Variants in LRRC1 observed in about 807,000 individuals in gnomAD.
LRRC1 encodes the protein leucine rich repeat containing 1, also known as leucine-rich repeat-containing protein 1.
Under a neutral mutation model 69.9 loss-of-function variants are expected in LRRC1, and 28 were observed. That is an observed-to-expected ratio of 0.40 (90% CI 0.30 to 0.55). The LOEUF is 0.55. Among genes scored for constraint, LRRC1 ranks in the 20% least tolerant of loss-of-function variants. LRRC1 has a pLI of 0.47. For synonymous variants in LRRC1, 236 were observed against 240.2 expected, an observed-to-expected ratio of 0.98 and a Z score of 0.16; for missense variants, 498 against 609.0, an observed-to-expected ratio of 0.82 and a Z score of 1.92.
Position 53,795,207 on chromosome 6 carries a change from G to C in LRRC1, c.-50G>C. On this transcript the variant is annotated 5_prime_UTR_variant, in exon 1 of 14. Coordinates refer to ENST00000370888, the MANE Select transcript of LRRC1 (RefSeq NM_018214.5). Reference sequence around the variant, plus strand: ...AGCCGCCGGCCAGAGCGGGCTCGGAGCCCGGGTCTCCGCCGCTCGGGACCC... The same window carrying C: ...AGCCGCCGGCCAGAGCGGGCTCGGACCCCGGGTCTCCGCCGCTCGGGACCC... 2.6e-6 allele frequency: 4 copies of C among 1,526,688 alleles called. No individual in the cohort carries two copies. Among genetic ancestry groups the C allele is most frequent in the South Asian group, 1.2e-5 (1 of 81,192 alleles). The allele number at this position is 1,526,688 out of a possible 1,614,324, so 94.6% of individuals were successfully genotyped here.
intron 1 of LRRC1, among the ~76,000 whole-genome samples, chr6:53,817,922 T>C (rs1407995569): frequency 6.6e-6 from 1 of 152,248 alleles, no homozygotes; most frequent in Non-Finnish European, 1.5e-5. Flanking sequence ...AAGCCAGTGC[T>C]ATGTGCGCTG....
intron 2 of LRRC1, among the ~76,000 whole-genome samples, chr6:53,866,925 G>A (rs929553711): frequency 2.6e-5 from 4 of 151,938 alleles, no homozygotes; most frequent in Middle Eastern, 3.2e-3. Flanking sequence ...TTCCTCTCTG[G>A]TTCCCTTAGA....
intron 10 of LRRC1, among the ~76,000 whole-genome samples, chr6:53,910,017 C>A (rs144417442): frequency 1.3e-5 from 2 of 152,222 alleles, no homozygotes; most frequent in East Asian, 1.9e-4. Flanking sequence ...GGTGAGCTAA[C>A]CTGCAGGCAA....
chr6:53,820,034 C>T (rs1765073635), intron 1 of LRRC1, among the ~76,000 whole-genome samples: 1 of 152,158 alleles, frequency 6.6e-6, no homozygotes, highest in African/African-American at 2.4e-5. Context: ...TGATTCTGTA[C>T]AGAATGTTAG....
intron 4 of LRRC1, among the ~76,000 whole-genome samples, chr6:53,883,587 A>G (rs900852670): frequency 1.3e-5 from 2 of 152,218 alleles, no homozygotes; most frequent in Non-Finnish European, 2.9e-5. Context: ...TGGTGAATAA[A>G]TGTTCTGTTA....
At chr6:53,879,153 C>A in intron 3 of LRRC1, 82 bp downstream of exon 3, 2 of 925,472 alleles carry the variant, frequency 2.2e-6, no homozygotes, top group Non-Finnish European at 1.7e-6. Context: ...GTCAGGTTAA[C>A]CATCTTGGAG....
chr6:53,862,481 G>A (rs2127423781), intron 2 of LRRC1, among the ~76,000 whole-genome samples: 1 of 152,200 alleles, frequency 6.6e-6, no homozygotes, highest in South Asian at 2.1e-4. Context: ...TGTACCCCAG[G>A]ACATGTTTGT....
chr6:53,894,784 C>T (rs1200856718), intron 4 of LRRC1, among the ~76,000 whole-genome samples: 1 of 152,098 alleles, frequency 6.6e-6, no homozygotes, highest in Non-Finnish European at 1.5e-5. Context: ...ACATCTCATC[C>T]TCCTCCCCTT....
intron 4 of LRRC1, among the ~76,000 whole-genome samples, chr6:53,883,251 A>G (rs1311178006): frequency 1.3e-5 from 2 of 152,212 alleles, no homozygotes; most frequent in East Asian, 3.8e-4. Context: ...ATGGCAAAGT[A>G]GTTAATTTAA....
chr6:53,795,484 C>A (rs938419994), intron 1 of LRRC1, 69 bp downstream of exon 1: 3 of 1,467,648 alleles, frequency 2.0e-6, no homozygotes, highest in Non-Finnish European at 2.7e-6. Flanking sequence ...CATCCTCTCT[C>A]GTCCCCTCTT....
chr6:53,900,667 A>G (rs1347829279), intron 8 of LRRC1, among the ~76,000 whole-genome samples: 1 of 152,184 alleles, frequency 6.6e-6, no homozygotes, highest in African/African-American at 2.4e-5. Context: ...TTTTTAGTAC[A>G]TCGATCATCC....
chr6:53,835,520 G>A (rs896811484), intron 1 of LRRC1, among the ~76,000 whole-genome samples: 7 of 152,062 alleles, frequency 4.6e-5, no homozygotes, highest in Admixed American at 6.6e-5. Context: ...TCTCATTCAC[G>A]CTTATTTAAC....
At position 53,919,491 on chromosome 6, in the gene LRRC1, A is replaced by AAC. The variant is rs1562075804; in HGVS notation, c.1107-6_1107-5insCA. ...GTCTCTTTTTTTAAAAAAAAAAAAA[A>AAC]AAACAGGTTGCTGCATCTACCTTTA... On this transcript the variant is annotated splice_region_variant and splice_polypyrimidine_tract_variant and intron_variant, in intron 11 of 13. Transcript: ENST00000370888. 1 of 1,519,640 alleles carries AAC rather than the reference A, an allele frequency of 6.6e-7. No homozygotes were observed. Among genetic ancestry groups the AAC allele is most frequent in the Non-Finnish European group, 8.8e-7 (1 of 1,140,820 alleles). 94.1% of individuals were successfully genotyped at this position (1,519,640 alleles called of 1,614,324 possible). A position where few individuals can be genotyped will look rare whatever the true frequency, so the allele number is the denominator to read the frequency against.
intron 1 of LRRC1, among the ~76,000 whole-genome samples, chr6:53,826,379 A>G (rs1356802615): frequency 6.6e-6 from 1 of 152,074 alleles, no homozygotes; most frequent in African/African-American, 2.4e-5. Flanking sequence ...ATAATAAAGG[A>G]TGTCCCACTG....
chr6:53,859,002 C>T (rs1766408361), intron 2 of LRRC1, among the ~76,000 whole-genome samples: 1 of 152,142 alleles, frequency 6.6e-6, no homozygotes, highest in Admixed American at 6.5e-5. Flanking sequence ...TCTATACAGT[C>T]TAGAAACTTA....
chr6:53,862,871 A>T (rs535125297), intron 2 of LRRC1, among the ~76,000 whole-genome samples: 3 of 152,316 alleles, frequency 2.0e-5, no homozygotes, highest in South Asian at 4.1e-4. Flanking sequence ...TGTGGTAGCA[A>T]ATGCAGACTT....
intron 1 of LRRC1, among the ~76,000 whole-genome samples, chr6:53,818,414 A>T (rs1436577989): frequency 2.0e-5 from 3 of 152,232 alleles, no homozygotes; most frequent in African/African-American, 7.2e-5. Context: ...GAAAGGAAAA[A>T]GAAAAAGGAA....
chr6:53,897,273 C>A lies in LRRC1; in HGVS notation c.568-12C>A, dbSNP rs771304375. ...ATCTTTGTTACCGTAACTTTTTTTT[C>A]TTTTGTTTTAGCCAGAATCAATTGG... On this transcript the variant is annotated splice_polypyrimidine_tract_variant and intron_variant, in intron 6 of 13. Coordinates refer to ENST00000370888, the MANE Select transcript of LRRC1 (RefSeq NM_018214.5). 1.3e-6 allele frequency: 2 copies of A among 1,581,444 alleles called. No individual in the cohort carries two copies. The highest frequency in any genetic ancestry group is 2.2e-5 in the East Asian group (1 of 44,608).
chr6:53,871,849 G>T (rs1476719116), intron 2 of LRRC1, among the ~76,000 whole-genome samples: 1 of 152,094 alleles, frequency 6.6e-6, no homozygotes, highest in East Asian at 1.9e-4. Context: ...TGTATTTTTA[G>T]TGGAGACGGG....
Sources: gnomAD v4.1 joint callset for allele counts (sites outside exome capture counted in the v4.1 genomes callset) on GRCh38, gnomAD v4.1.1 for gene constraint, MANE v1.5 for transcripts, NCBI Gene and HGNC (gene_info 2026-07-23, HGNC 2026-07-21) for gene names.